Variants in WASF3 observed in about 807,000 individuals in gnomAD.
The protein encoded by WASF3 is WASP family member 3.
Under a neutral mutation model 46.6 loss-of-function variants are expected in WASF3, and 11 were observed. The observed-to-expected ratio is 0.24, with a 90% confidence interval of 0.15 to 0.39. The LOEUF is 0.39. Among genes scored for constraint, WASF3 ranks in the 10% least tolerant of loss-of-function variants. The pLI is 1.00. For synonymous variants in WASF3, 242 were observed against 259.7 expected, an observed-to-expected ratio of 0.93 and a Z score of 0.65; for missense variants, 576 against 669.8, an observed-to-expected ratio of 0.86 and a Z score of 1.55.
chr13:26,661,637 G>T (rs974774921), intron 3 of WASF3, among the ~76,000 whole-genome samples: 2 of 152,154 alleles, frequency 1.3e-5, no homozygotes, highest in African/African-American at 4.8e-5. Context: ...ATATACTCAA[G>T]TAGAGTTGCT....
chr13:26,616,858 T>C (rs1052948619), intron 2 of WASF3, among the ~76,000 whole-genome samples: 1 of 152,186 alleles, frequency 6.6e-6, no homozygotes, highest in Non-Finnish European at 1.5e-5. Context: ...TCGTTGTCCC[T>C]GGGGTGTAGT....
rs1254628952 is a variant in WASF3, at chr13:26,687,052, G to A, written c.*1207G>A. On this transcript the variant is annotated 3_prime_UTR_variant, in exon 10 of 10. Transcript: ENST00000335327. ...TCCCTTGATCAGCCCTGCAGCTGTA[G>A]TACAGTGCTGTGCCCTCACCTCCAC... 2 of 152,276 alleles carry A rather than the reference G, an allele frequency of 1.3e-5. No homozygotes were observed. Among genetic ancestry groups the A allele is most frequent in the Non-Finnish European group, 2.9e-5 (2 of 68,076 alleles). The allele number at this position is 152,276 out of a possible 1,614,324, so 9.4% of individuals were successfully genotyped here.
chr13:26,687,762 C>T lies in WASF3; in HGVS notation c.*1917C>T, dbSNP rs1883457079. 6.8e-6 allele frequency: 1 copy of T among 147,066 alleles called. No individual in the cohort carries two copies. 9.1% of individuals were successfully genotyped at this position (147,066 alleles called of 1,614,324 possible). A position where few individuals can be genotyped will look rare whatever the true frequency, so the allele number is the denominator to read the frequency against. On this transcript the variant is annotated 3_prime_UTR_variant, in exon 10 of 10. Coordinates refer to ENST00000335327, the MANE Select transcript of WASF3 (RefSeq NM_006646.6). ...TGTTGTTGTTAAAAAGGGCCTACTA[C>T]ATTGGCGCTATTCTTAGGACTTCTG...
At chr13:26,676,526 C>A (rs754897043) in intron 6 of WASF3, 23 bp from the exon 7 acceptor site, 20 of 1,610,462 alleles carry the variant, frequency 1.2e-5, no homozygotes, top group Non-Finnish European at 1.6e-5. Context: ...TTGGCATGCT[C>A]TCTTTCCTTT....
chr13:26,598,463 G>A (rs1252746148), intron 1 of WASF3, among the ~76,000 whole-genome samples: 2 of 152,230 alleles, frequency 1.3e-5, no homozygotes, highest in Non-Finnish European at 1.5e-5. Context: ...TCTTCGGCCC[G>A]ATGATTTTTT....
chr13:26,647,793 T>C (rs1314547905), intron 3 of WASF3, among the ~76,000 whole-genome samples: 1 of 151,994 alleles, frequency 6.6e-6, no homozygotes, highest in Admixed American at 6.6e-5. Context: ...ACATTAATGG[T>C]ACTATTAAGA....
intron 1 of WASF3, among the ~76,000 whole-genome samples, chr13:26,580,031 G>C (rs1449604395): frequency 1.3e-5 from 2 of 151,932 alleles, no homozygotes; most frequent in Non-Finnish European, 2.9e-5. Context: ...CTTATTTTTA[G>C]CTCATTAGCT....
chr13:26,575,222 C>T (rs909979377), intron 1 of WASF3, among the ~76,000 whole-genome samples: 1 of 152,176 alleles, frequency 6.6e-6, no homozygotes, highest in Non-Finnish European at 1.5e-5. Flanking sequence ...GTTCACGATA[C>T]AATCACCTAT....
chr13:26,664,138 G>A (rs1222851945), intron 3 of WASF3, among the ~76,000 whole-genome samples: 1 of 152,122 alleles, frequency 6.6e-6, no homozygotes, highest in Non-Finnish European at 1.5e-5. Flanking sequence ...AAGCACCATG[G>A]GAACTTTAGG....
chr13:26,646,333 G>T (rs1462145855), intron 3 of WASF3, among the ~76,000 whole-genome samples: 3 of 152,140 alleles, frequency 2.0e-5, no homozygotes, highest in Non-Finnish European at 4.4e-5. Flanking sequence ...CATTCATCAG[G>T]TATTTAAAAA....
At chr13:26,659,583 C>A (rs888232620) in intron 3 of WASF3, among the ~76,000 whole-genome samples, 3 of 152,098 alleles carry the variant, frequency 2.0e-5, no homozygotes, top group Non-Finnish European at 4.4e-5. Context: ...TGGATGGAGG[C>A]AAGGTTGCTG....
intron 1 of WASF3, among the ~76,000 whole-genome samples, chr13:26,589,661 T>C (rs547215821): frequency 2.0e-4 from 31 of 152,326 alleles, no homozygotes; most frequent in African/African-American, 7.0e-4. Context: ...TCTTTAGTTA[T>C]TTCTCCAAAG....
intron 2 of WASF3, among the ~76,000 whole-genome samples, chr13:26,634,077 G>C (rs1180752099): frequency 6.6e-6 from 1 of 152,162 alleles, no homozygotes; most frequent in Non-Finnish European, 1.5e-5. Context: ...GTCTAATATT[G>C]ACAGTGGGGT....
chr13:26,575,126 G>A (rs569985349), intron 1 of WASF3, among the ~76,000 whole-genome samples: 229 of 152,212 alleles, frequency 1.5e-3, no homozygotes, highest in African/African-American at 5.2e-3. Context: ...GTGAGCCACC[G>A]TGCTTGGCCA....
At position 26,682,853 on chromosome 13, in the gene WASF3, C is replaced by A; in HGVS notation, c.1230C>A (p.Pro410=). The part of the protein sequence containing the change: ...PPPPPPGPPG[P]GSSLSSSPMH... ...CTCCCCCGCCAGGCCCTCCTGGTCC[C>A]GGGTCTTCTCTTTCGTCCTCCCCAA... Residue 410 remains proline, a synonymous_variant, in exon 9 of 10, where the codon CCC becomes CCA. Transcript: ENST00000335327. The surrounding 1 kb of genome is among the most constrained non-coding windows in gnomAD (Gnocchi z 4.4). The A allele has an allele frequency of 1.2e-6, 2 of 1,611,702 alleles. No homozygotes were observed.
the WASF3 span, among the ~76,000 whole-genome samples, chr13:26,545,079 G>A: frequency 1.3e-5 from 2 of 152,200 alleles, no homozygotes; most frequent in African/African-American, 2.4e-5. Flanking sequence ...TCAGAGCATC[G>A]TGTTGTTCTT....
chr13:26,659,223 G>A (rs1437186602), intron 3 of WASF3, among the ~76,000 whole-genome samples: 2 of 151,798 alleles, frequency 1.3e-5, no homozygotes, highest in East Asian at 3.9e-4. Flanking sequence ...AGGAAGTGAG[G>A]GAGCAAACCA....
intron 1 of WASF3, among the ~76,000 whole-genome samples, chr13:26,558,332 C>T (rs1325205379): frequency 6.6e-6 from 1 of 152,202 alleles, no homozygotes; most frequent in East Asian, 1.9e-4. Flanking sequence ...CCTGTGCCCT[C>T]TTGGTGCCCG....
chr13:26,672,098 T>G (rs1050806231), intron 6 of WASF3, 109 bp downstream of exon 6: 1 of 839,492 alleles, frequency 1.2e-6, no homozygotes, highest in Non-Finnish European at 1.9e-6. Flanking sequence ...GTGCTGAAGT[T>G]TTTTTAGAGG....
Sources: gnomAD v4.1 joint callset for allele counts (sites outside exome capture counted in the v4.1 genomes callset) on GRCh38, gnomAD v4.1.1 for gene constraint, Gnocchi (gnomAD v3.1) non-coding constraint, MANE v1.5 for transcripts, NCBI Gene and HGNC (gene_info 2026-07-23, HGNC 2026-07-21) for gene names.